Variants in TMA16 observed in about 807,000 individuals in gnomAD.
TMA16 encodes translation machinery associated 16 homolog.
TMA16 carries 26 observed loss-of-function variants against 27.1 expected under a neutral mutation model. The ratio of observed to expected loss-of-function variants is 0.96; its 90% CI spans 0.70 to 1.33. TMA16 has a LOEUF of 1.33. Among genes scored for constraint, TMA16 ranks in the 40% most tolerant of loss-of-function variants. The probability of loss-of-function intolerance (pLI) is 0.00; values close to 1 mark genes in which losing one functional copy is unlikely to be tolerated. For missense variants in TMA16, 233 were observed against 241.4 expected (o/e 0.97, Z 0.23); for synonymous variants, 71 against 81.9 (o/e 0.87, Z 0.72).
intron 1 of TMA16, among the ~76,000 whole-genome samples, chr4:163,498,567 A>G (rs904562555): frequency 3.9e-5 from 6 of 152,278 alleles, no homozygotes; most frequent in East Asian, 1.9e-4. Context: ...GATTACAGGC[A>G]TGAGCCACTG....
chr4:163,501,945 T>C (rs1737655498), intron 1 of TMA16, among the ~76,000 whole-genome samples: 1 of 152,226 alleles, frequency 6.6e-6, no homozygotes, highest in Non-Finnish European at 1.5e-5. Flanking sequence ...AAGTTAGCTA[T>C]TCCTGAGAAA....
At chr4:163,509,998 A>AT (rs566400906) in intron 2 of TMA16, among the ~76,000 whole-genome samples, 2 of 152,302 alleles carry the variant, frequency 1.3e-5, no homozygotes, top group South Asian at 2.1e-4. Context: ...TGTTTTAAGA[A>AT]TTTTTTCATA....
intron 2 of TMA16, among the ~76,000 whole-genome samples, chr4:163,508,947 G>A (rs1323155814): frequency 6.6e-6 from 1 of 152,092 alleles, no homozygotes; most frequent in Non-Finnish European, 1.5e-5. Flanking sequence ...TATTGGCCAA[G>A]ACTTTTATTT....
Position 163,520,165 on chromosome 4 carries a change from G to C in TMA16, c.*651G>C. On this transcript the variant is annotated 3_prime_UTR_variant, in exon 7 of 7. Coordinates refer to ENST00000358572, the MANE Select transcript of TMA16 (RefSeq NM_018352.3). ...AGTTTCAGTTTAGCTCCTTTTGATT[G>C]TATATTATTTTTTGCTTTTTTATTG... 1 of 346,702 alleles carries C rather than the reference G, an allele frequency of 2.9e-6. No homozygotes were observed. The highest frequency in any genetic ancestry group is 5.2e-6 in the Non-Finnish European group (1 of 194,022). The allele number at this position is 346,702 out of a possible 1,614,324, so 21.5% of individuals were successfully genotyped here.
chr4:163,505,412 C>T (rs1229350803), intron 1 of TMA16, among the ~76,000 whole-genome samples: 2 of 152,180 alleles, frequency 1.3e-5, no homozygotes, highest in Non-Finnish European at 2.9e-5. Context: ...AGAAAGCGAG[C>T]AGAGCGCTCA....
intron 6 of TMA16, among the ~76,000 whole-genome samples, chr4:163,518,195 C>A (rs373847829): frequency 6.6e-6 from 1 of 152,030 alleles, no homozygotes; most frequent in South Asian, 2.1e-4. Flanking sequence ...CTTGTGTACC[C>A]AATGTTTAGC....
chr4:163,495,182 T>TA (rs1737531667), intron 1 of TMA16, among the ~76,000 whole-genome samples: 2 of 152,214 alleles, frequency 1.3e-5, no homozygotes, highest in African/African-American at 2.4e-5. Context: ...CTGGCCTGGG[T>TA]AGACTCAGTA....
chr4:163,502,938 TATATG>T (rs1737668291), intron 1 of TMA16, among the ~76,000 whole-genome samples: 1 of 152,200 alleles, frequency 6.6e-6, no homozygotes, highest in South Asian at 2.1e-4. Flanking sequence ...GTGGGCCACA[TATATG>T]ATGATGGTCC....
chr4:163,496,461 T>A (rs10857361), intron 1 of TMA16, among the ~76,000 whole-genome samples: 62,461 of 152,026 alleles, frequency 0.41, 13,954 homozygotes, highest in Admixed American at 0.55. Flanking sequence ...TTATTGTAAA[T>A]CTTTGCTGGA....
chr4:163,507,317 C>G (rs1737732370), intron 2 of TMA16, among the ~76,000 whole-genome samples, 172 bp downstream of exon 2: 3 of 152,026 alleles, frequency 2.0e-5, no homozygotes, highest in Admixed American at 1.3e-4. Context: ...TTAGAGCTTA[C>G]CTAAAACAGA....
chr4:163,517,853 G>GTA (rs1737907726), intron 6 of TMA16, among the ~76,000 whole-genome samples: 1 of 152,040 alleles, frequency 6.6e-6, no homozygotes, highest in Non-Finnish European at 1.5e-5. Flanking sequence ...CAGAGAAGAT[G>GTA]GTTATAGGAA....
At chr4:163,498,497 C>T (rs975135550) in intron 1 of TMA16, among the ~76,000 whole-genome samples, 29 of 151,914 alleles carry the variant, frequency 1.9e-4, no homozygotes, top group Admixed American at 2.0e-4. Context: ...CCGTGTTAGC[C>T]GGGATGGTCT....
chr4:163,494,967 G>C, intron 1 of TMA16, 163 bp downstream of exon 1: 1 of 1,036,974 alleles, frequency 9.6e-7, no homozygotes, highest in Non-Finnish European at 1.4e-6. Flanking sequence ...GCCTCTGGGA[G>C]GCGAGTCCCA....
chr4:163,512,613 GC>G (rs1344310399), intron 2 of TMA16: 4 of 466,828 alleles, frequency 8.6e-6, no homozygotes, highest in Non-Finnish European at 1.6e-5. Context: ...ACATTGAGGT[GC>G]TTAAAGGAAG....
chr4:163,507,007 G>A, intron 1 of TMA16, 26 bp from the exon 2 acceptor site: 2 of 1,545,278 alleles, frequency 1.3e-6, no homozygotes, highest in Non-Finnish European at 1.7e-6. Flanking sequence ...CTGACTATAT[G>A]TGTCATGTGT....
At chr4:163,506,175 A>G (rs1351115852) in intron 1 of TMA16, among the ~76,000 whole-genome samples, 1 of 152,216 alleles carries the variant, frequency 6.6e-6, no homozygotes, top group Non-Finnish European at 1.5e-5. Context: ...GCTTGAGTGT[A>G]GACCTGGTAT....
chr4:163,514,283 A>G (rs1579019803), intron 4 of TMA16, 125 bp downstream of exon 4: 2 of 736,430 alleles, frequency 2.7e-6, no homozygotes, highest in South Asian at 4.8e-5. Flanking sequence ...CAGGAAGACT[A>G]TTTCCTGGCT....
At chr4:163,514,463 G>T (rs1480325533) in intron 4 of TMA16, among the ~76,000 whole-genome samples, 1 of 152,088 alleles carries the variant, frequency 6.6e-6, no homozygotes, top group Admixed American at 6.5e-5. Flanking sequence ...CAAGAAAGAA[G>T]AATATTTAAA....
intron 1 of TMA16, among the ~76,000 whole-genome samples, chr4:163,503,226 G>T (rs1306312796): frequency 6.6e-6 from 1 of 152,098 alleles, no homozygotes; most frequent in Non-Finnish European, 1.5e-5. Context: ...GTTAAGTGAG[G>T]CATGCCTGTA....
Sources: allele counts gnomAD v4.1 joint callset (sites outside exome capture counted in the v4.1 genomes callset), GRCh38; gene constraint gnomAD v4.1.1; transcripts MANE v1.5; gene names NCBI Gene and HGNC (gene_info 2026-07-23, HGNC 2026-07-21).